TMEM207: variants seen among roughly 807,000 people sequenced by gnomAD.
TMEM207 encodes SRSR846.
In TMEM207, 15 loss-of-function variants were observed where a neutral mutation model predicts 17.4. That is an observed-to-expected ratio of 0.86 (90% CI 0.58 to 1.33). The LOEUF is 1.33. Among genes scored for constraint, TMEM207 ranks in the 40% most tolerant of loss-of-function variants. The pLI is 0.00. For synonymous variants in TMEM207, 70 were observed against 65.6 expected (o/e 1.07, Z -0.33); for missense variants, 205 against 173.8 (o/e 1.18, Z -1.01).
chr3:190,429,852 C>A (rs1577440923), intron 4 of TMEM207, 121 bp from the exon 5 acceptor site: 1 of 1,238,510 alleles, frequency 8.1e-7, no homozygotes, highest in Non-Finnish European at 1.1e-6. Flanking sequence ...TTATTTGTAT[C>A]TATGAGAAAA....
At chr3:190,441,841 T>C (rs1719943826) in intron 2 of TMEM207, among the ~76,000 whole-genome samples, 1 of 152,222 alleles carries the variant, frequency 6.6e-6, no homozygotes, top group South Asian at 2.1e-4. Flanking sequence ...ATAACCATTA[T>C]AGCTATATTC....
At chr3:190,438,602 T>G (rs541994381) in intron 4 of TMEM207, among the ~76,000 whole-genome samples, 2 of 152,350 alleles carry the variant, frequency 1.3e-5, no homozygotes, top group East Asian at 3.9e-4. Context: ...CTTTTAAGAT[T>G]CAAGATAGTC....
At chr3:190,440,969 T>A (rs1029652539) in intron 3 of TMEM207, among the ~76,000 whole-genome samples, 2 of 151,956 alleles carry the variant, frequency 1.3e-5, no homozygotes, top group African/African-American at 4.8e-5. Flanking sequence ...CTCCGGAGGC[T>A]GAGGCTGGAG....
rs916014017 is a variant in TMEM207, at chr3:190,429,292, A to G, written c.*303T>C. On this transcript the variant is annotated 3_prime_UTR_variant, in exon 5 of 5. Coordinates refer to ENST00000354905, the MANE Select transcript of TMEM207 (RefSeq NM_207316.3). ...ATACTGCAGTGGAGTCCTAAATGTGATGGAAACTACTTCCAGCACCTAATT... is the reference window on the plus strand; with the variant it reads ...ATACTGCAGTGGAGTCCTAAATGTGGTGGAAACTACTTCCAGCACCTAATT... 2.6e-5 allele frequency: 8 copies of G among 309,672 alleles called. No individual in the cohort carries two copies. Among genetic ancestry groups the G allele is most frequent in the Non-Finnish European group, 4.9e-5 (8 of 164,130 alleles). The allele number at this position is 309,672 out of a possible 1,614,324, so 19.2% of individuals were successfully genotyped here.
intron 4 of TMEM207, among the ~76,000 whole-genome samples, chr3:190,439,695 GA>G (rs1719886933): frequency 1.3e-5 from 2 of 152,160 alleles, no homozygotes; most frequent in African/African-American, 4.8e-5. Context: ...ATGGTTTTGG[GA>G]GGGGAAGTTG....
At chr3:190,443,157 T>G (rs1158288536) in intron 2 of TMEM207, among the ~76,000 whole-genome samples, 4 of 149,586 alleles carry the variant, frequency 2.7e-5, no homozygotes, top group East Asian at 1.9e-4. Context: ...TTTTTTTTTT[T>G]TTGTTTTGTT....
intron 4 of TMEM207, among the ~76,000 whole-genome samples, chr3:190,438,629 T>C (rs1270346253): frequency 6.6e-6 from 1 of 152,224 alleles, no homozygotes; most frequent in African/African-American, 2.4e-5. Flanking sequence ...AAGGTCTTTC[T>C]TGAAGTGAGA....
In TMEM207 at chr3:190,449,766, G is replaced by A. The variant is rs192752665; in HGVS notation, c.44C>T (p.Thr15Met). ...TAGCGGCAAACACAAGATCCCTATC[G>A]TTGAGATCGCTGAGGTGACACTGAA... ...RLFSVTSAIS[T>M]IGILCLPLFQ... Residue 15 changes from threonine (T) to methionine (M), a missense_variant, in exon 1 of 5, where the codon ACG becomes ATG. Physicochemically the swap from Thr to Met is moderately conservative, Grantham distance 81. Coordinates refer to ENST00000354905, the MANE Select transcript of TMEM207 (RefSeq NM_207316.3). 144 of 1,613,826 alleles carry A rather than the reference G, an allele frequency of 8.9e-5. 1 individual carries two copies. The Admixed American group carries it at 1.1e-3, about 12-fold the overall frequency.
Position 190,447,775 on chromosome 3 carries a change from T to C in TMEM207, c.113+15A>G, listed in dbSNP as rs1201348128. 6.2e-7 allele frequency: 1 copy of C among 1,610,776 alleles called. No individual in the cohort carries two copies. Among genetic ancestry groups the C allele is most frequent in the East Asian group, 2.2e-5 (1 of 44,810 alleles). On this transcript the variant is annotated intron_variant, in intron 2 of 4. Coordinates refer to ENST00000354905, the MANE Select transcript of TMEM207 (RefSeq NM_207316.3). ...ATGCGAAATAAAAACATGGAGTTTT[T>C]CGCTGTTTACTTACATTTCATCTTC...
chr3:190,436,198 T>C (rs1265026136), intron 4 of TMEM207, among the ~76,000 whole-genome samples: 1 of 152,220 alleles, frequency 6.6e-6, no homozygotes, highest in Non-Finnish European at 1.5e-5. Flanking sequence ...TGGTAAAAAT[T>C]TAAAAAATTA....
In TMEM207 at chr3:190,430,519, T is replaced by TTA. The variant is rs771315217; in HGVS notation, c.305-790_305-789dup. Among the ~76,000 whole-genome samples the TTA allele has an allele frequency of 7.4e-3, 1,103 of 149,536 alleles. 11 individuals are homozygous for TTA. The highest frequency in any genetic ancestry group is 0.023 in the African/African-American group (922 of 40,944). On this transcript the variant is annotated intron_variant, in intron 4 of 4. Coordinates refer to ENST00000354905, the MANE Select transcript of TMEM207 (RefSeq NM_207316.3). ...TATGACTATATATATAAAGATGGTT[T>TTA]TATATATATATATATGTATAAATGC...
intron 2 of TMEM207, chr3:190,444,425 C>T (rs1490448744): frequency 1.0e-5 from 10 of 984,996 alleles, no homozygotes; most frequent in Non-Finnish European, 1.2e-5. Context: ...CCAGCTCTAA[C>T]CTCATAGTAC....
intron 4 of TMEM207, among the ~76,000 whole-genome samples, chr3:190,430,257 T>C (rs917027878): frequency 6.6e-6 from 1 of 152,010 alleles, no homozygotes; most frequent in Admixed American, 6.6e-5. Flanking sequence ...AGAGAATATA[T>C]TCTAAAATTT....
At chr3:190,441,325 G>A (rs1719932580) in intron 3 of TMEM207, 113 bp downstream of exon 3, 1 of 800,436 alleles carries the variant, frequency 1.2e-6, no homozygotes, top group African/African-American at 1.8e-5. Context: ...TCATTTGCAT[G>A]ACCCCTAATC....
intron 2 of TMEM207, among the ~76,000 whole-genome samples, chr3:190,446,741 C>T (rs1720059186): frequency 6.6e-6 from 1 of 152,176 alleles, no homozygotes. Flanking sequence ...GTTTCTGTCA[C>T]GTTGATTAGA....
chr3:190,447,700 C>G, intron 2 of TMEM207, 90 bp downstream of exon 2: 1 of 1,325,278 alleles, frequency 7.5e-7, no homozygotes. Flanking sequence ...TGAAACTCAA[C>G]TGGGCTTTTT....
chr3:190,435,600 G>T (rs568579804), intron 4 of TMEM207, among the ~76,000 whole-genome samples: 5 of 152,128 alleles, frequency 3.3e-5, no homozygotes, highest in Non-Finnish European at 5.9e-5. Context: ...ATCTTTGAGC[G>T]CACAGTAAGT....
intron 4 of TMEM207, among the ~76,000 whole-genome samples, chr3:190,434,458 C>T (rs1452583725): frequency 6.6e-6 from 1 of 152,184 alleles, no homozygotes; most frequent in African/African-American, 2.4e-5. Flanking sequence ...ATGTGACTTG[C>T]TCCTCCTTGC....
intron 3 of TMEM207, 112 bp from the exon 4 acceptor site, chr3:190,440,501 A>T (rs1056144181): frequency 2.6e-5 from 23 of 876,188 alleles, no homozygotes; most frequent in Middle Eastern, 3.6e-4. Context: ...GCCGCAAGCA[A>T]TGTGGGACAC....
Sources: allele counts gnomAD v4.1 joint callset (sites outside exome capture counted in the v4.1 genomes callset), GRCh38; gene constraint gnomAD v4.1.1; transcripts MANE v1.5; gene names NCBI Gene and HGNC (gene_info 2026-07-23, HGNC 2026-07-21).